VPS13A: variants seen among roughly 807,000 people sequenced by gnomAD.
VPS13A encodes the protein intermembrane lipid transfer protein VPS13A.
A neutral mutation model predicts 390.9 loss-of-function variants in VPS13A; 264 were observed. The observed-to-expected ratio is 0.68, with a 90% CI of 0.61 to 0.75. The LOEUF (loss-of-function observed/expected upper bound fraction) is 0.75. Among genes scored for constraint, VPS13A ranks in the 30% least tolerant of loss-of-function variants. The probability of loss-of-function intolerance (pLI) is 0.00; values close to 1 mark genes in which losing one functional copy is unlikely to be tolerated. For synonymous variants in VPS13A, 1,231 were observed against 1,227.1 expected, an observed-to-expected ratio of 1.00 and a Z score of -0.07; for missense variants, 3,409 against 3,733.9, an observed-to-expected ratio of 0.91 and a Z score of 2.27.
intron 68 of VPS13A, among the ~76,000 whole-genome samples, chr9:77,397,435 A>G (rs551696839): frequency 1.3e-5 from 2 of 151,942 alleles, no homozygotes; most frequent in South Asian, 4.2e-4. Flanking sequence ...CCTTTAACCA[A>G]TTTTCTTAAA....
In VPS13A at chr9:77,189,335, C is replaced by T. The variant is rs185653683; in HGVS notation, c.101-10610C>T. On this transcript the variant is annotated intron_variant, in intron 1 of 71. Coordinates refer to ENST00000360280, the MANE Select transcript of VPS13A (RefSeq NM_033305.3). Reference sequence around the variant, plus strand: ...TTTCAGTCTTCTGCATGTGGCTGGCCGTTATCTCCACACCATTTATTGAAT... The same window carrying T: ...TTTCAGTCTTCTGCATGTGGCTGGCTGTTATCTCCACACCATTTATTGAAT... 2.5e-3 allele frequency among the ~76,000 whole-genome samples: 385 copies of T among 152,004 alleles called. 1 individual carries two copies. Among genetic ancestry groups the T allele is most frequent in the Non-Finnish European group, 3.9e-3 (263 of 67,954 alleles).
intron 42 of VPS13A, among the ~76,000 whole-genome samples, chr9:77,320,485 C>T (rs563808596): frequency 5.9e-5 from 9 of 152,250 alleles, no homozygotes; most frequent in South Asian, 2.1e-4. Context: ...GAATTACTCA[C>T]GTGTTTCCTA....
chr9:77,353,817 G>T (rs1031286271), intron 54 of VPS13A, among the ~76,000 whole-genome samples, 176 bp downstream of exon 54: 2 of 152,048 alleles, frequency 1.3e-5, no homozygotes, highest in South Asian at 4.1e-4. Context: ...TTGAAATAAA[G>T]ATATGGCAGA....
chr9:77,405,969 A>C lies in VPS13A; in HGVS notation c.9381A>C (p.Arg3127Ser). The C allele has an allele frequency of 6.2e-7, 1 of 1,613,870 alleles. No individual in the cohort carries two copies. The highest frequency in any genetic ancestry group is 8.5e-7 in the Non-Finnish European group (1 of 1,179,960). The change falls in exon 70 of 72, where the codon AGA becomes AGC. Residue 3127 changes from arginine (R) to serine (S), a missense_variant. Physicochemically the swap from Arg to Ser is moderately radical, Grantham distance 110. Transcript: ENST00000360280. Reference sequence around the variant, plus strand: ...AGCCATTCATTGTTCATGGGAGAAGATTGCGCATTGAAGCAAAGGTATGTT... The same window carrying C: ...AGCCATTCATTGTTCATGGGAGAAGCTTGCGCATTGAAGCAAAGGTATGTT... ...TKEPFIVHGRRLRIEAKERVK... is the reference protein window; with the variant it reads ...TKEPFIVHGRSLRIEAKERVK...
At chr9:77,292,803 T>G (rs892165662) in intron 31 of VPS13A, among the ~76,000 whole-genome samples, 7 of 152,176 alleles carry the variant, frequency 4.6e-5, no homozygotes, top group African/African-American at 1.7e-4. Flanking sequence ...AGCTTGAGAT[T>G]TTTAACCACT....
Position 77,207,185 on chromosome 9 carries a change from A to G in VPS13A, c.385+1106A>G, listed in dbSNP as rs540805320. Among the ~76,000 whole-genome samples, 207 of 124,010 alleles carry G rather than the reference A, an allele frequency of 1.7e-3. 1 individual carries two copies. Among genetic ancestry groups the G allele is most frequent in the African/African-American group, 5.4e-3 (189 of 35,108 alleles). 81.4% of individuals were successfully genotyped at this position (124,010 alleles called of 152,430 possible). On this transcript the variant is annotated intron_variant, in intron 5 of 71. Transcript: ENST00000360280. ...CCTATATTACTAAATATGGTGCTCA[A>G]ACCTCTGTGTCTTGATTTATTTAGA...
chr9:77,378,536 A>G (rs563512295), intron 67 of VPS13A, among the ~76,000 whole-genome samples: 3 of 151,854 alleles, frequency 2.0e-5, no homozygotes, highest in Admixed American at 6.6e-5. Flanking sequence ...TTTCCATAAG[A>G]TTGGTAGTAG....
At chr9:77,394,231 A>AT (rs36047906) in intron 68 of VPS13A, among the ~76,000 whole-genome samples, 40,254 of 140,330 alleles carry the variant, frequency 0.29, 5,966 homozygotes, top group East Asian at 0.47. Context: ...CATCTGGCTA[A>AT]TTTTTTTTTT....
chr9:77,370,588 T>G lies in VPS13A; in HGVS notation c.8907+10T>G, dbSNP rs373895244. The G allele has an allele frequency of 4.8e-4, 769 of 1,613,946 alleles. 2 individuals are homozygous for G. The highest frequency in any genetic ancestry group is 5.9e-4 in the Non-Finnish European group (700 of 1,180,010). ...AAAAGGCTTAGTTTCTGTAAGAAAT[T>G]TCACAGGGTTGTGAAGATTTTGGGA... is the stretch of plus-strand genomic sequence containing the variant. On this transcript the variant is annotated intron_variant, in intron 65 of 71. Transcript: ENST00000360280.
rs190451969 is a variant in VPS13A, at chr9:77,236,340, A to G, written c.1596-1662A>G. Among the ~76,000 whole-genome samples, 69 of 152,276 alleles carry G rather than the reference A, an allele frequency of 4.5e-4. 1 individual carries two copies. The highest frequency in any genetic ancestry group is 3.4e-3 in the Middle Eastern group (1 of 294). On this transcript the variant is annotated intron_variant, in intron 17 of 71. Transcript: ENST00000360280. ...GTCTTTGAGTGTAAGCTTATTTAAC[A>G]TGATGGCTTAGTGAACATAATGCTA...
chr9:77,307,317 A>C (rs1179526683), intron 34 of VPS13A, among the ~76,000 whole-genome samples: 1 of 152,172 alleles, frequency 6.6e-6, no homozygotes, highest in East Asian at 1.9e-4. Context: ...TTAGCTGGGC[A>C]TGTTGGTACA....
intron 59 of VPS13A, among the ~76,000 whole-genome samples, chr9:77,364,308 C>A (rs1454470483): frequency 1.3e-5 from 2 of 152,066 alleles, no homozygotes; most frequent in Admixed American, 1.3e-4. Flanking sequence ...GCCTGTAATC[C>A]CAGCTACTCA....
At chr9:77,278,237 A>ATTTT (rs57545793) in intron 26 of VPS13A, among the ~76,000 whole-genome samples, 4 of 115,398 alleles carry the variant, frequency 3.5e-5, no homozygotes, top group Non-Finnish European at 5.2e-5. Flanking sequence ...CGCCCAGCTA[A>ATTTT]TTTTTTTTTT....
intron 6 of VPS13A, among the ~76,000 whole-genome samples, chr9:77,210,160 C>T (rs1014554587): frequency 1.9e-5 from 2 of 107,508 alleles, no homozygotes; most frequent in African/African-American, 7.7e-5. Context: ...CCCCCACCTC[C>T]CTCTCTCTCT....
chr9:77,210,651 T>A lies in VPS13A; in HGVS notation c.531T>A (p.Ile177=), dbSNP rs774869789. The change falls in exon 7 of 72, where the codon ATT becomes ATA. Residue 177 remains isoleucine, a synonymous_variant. Transcript: ENST00000360280. The part of the protein sequence containing the change: ...TNRDKPLSFG[I]SLQNLSMQTT... Reference sequence around the variant, plus strand: ...GGGACAAACCGCTGTCATTTGGTATTTCCCTTCAAAATCTGAGCATGCAGG... The same window carrying A: ...GGGACAAACCGCTGTCATTTGGTATATCCCTTCAAAATCTGAGCATGCAGG... 6.2e-7 allele frequency: 1 copy of A among 1,613,914 alleles called. No individual in the cohort carries two copies. Among genetic ancestry groups the A allele is most frequent in the Non-Finnish European group, 8.5e-7 (1 of 1,179,974 alleles).
At position 77,290,940 on chromosome 9, in the gene VPS13A, T is replaced by A. The variant is rs138864572; in HGVS notation, c.3340-2401T>A. 4.2e-3 allele frequency among the ~76,000 whole-genome samples: 646 copies of A among 152,288 alleles called. 7 individuals carry two copies. Among genetic ancestry groups the A allele is most frequent in the African/African-American group, 0.015 (609 of 41,548 alleles). On this transcript the variant is annotated intron_variant, in intron 31 of 71. Coordinates refer to ENST00000360280, the MANE Select transcript of VPS13A (RefSeq NM_033305.3). ...TATAGATGAGTCTGATTCTGTTGAT[T>A]CCTTTATTATTTGCTTGAATTTTTT...
intron 10 of VPS13A, 140 bp downstream of exon 10, chr9:77,214,526 G>A (rs985967834): frequency 3.4e-6 from 2 of 580,024 alleles, no homozygotes; most frequent in East Asian, 3.2e-5. Flanking sequence ...ATATACAAAA[G>A]CAAATAATAT....
At chr9:77,357,633 C>T in intron 55 of VPS13A, 59 bp from the exon 56 acceptor site, 1 of 1,561,644 alleles carries the variant, frequency 6.4e-7, no homozygotes, top group South Asian at 1.2e-5. Flanking sequence ...GCATTAATTT[C>T]TAATTCTAGT....
At chr9:77,193,080 A>G (rs1390263010) in intron 1 of VPS13A, among the ~76,000 whole-genome samples, 1 of 151,920 alleles carries the variant, frequency 6.6e-6, no homozygotes, top group Non-Finnish European at 1.5e-5. Context: ...TTGATACTGA[A>G]GAACCAGTCT....
Sources: gnomAD v4.1 joint callset for allele counts (sites outside exome capture counted in the v4.1 genomes callset) on GRCh38, gnomAD v4.1.1 for gene constraint, MANE v1.5 for transcripts, NCBI Gene and HGNC (gene_info 2026-07-23, HGNC 2026-07-21) for gene names.